Variants in CEMIP observed in about 807,000 individuals in gnomAD.
The protein encoded by CEMIP is cell migration inducing hyaluronidase 1.
CEMIP carries 105 observed loss-of-function variants against 156.9 expected under a neutral mutation model. The ratio of observed to expected loss-of-function variants is 0.67; its 90% CI spans 0.57 to 0.79. The LOEUF (loss-of-function observed/expected upper bound fraction) is 0.79. Ranked by LOEUF, CEMIP falls within the 30% of genes least tolerant of loss-of-function variation. The pLI, the probability that CEMIP is intolerant of heterozygous loss-of-function variation, is 0.00. For missense variants in CEMIP, 1,457 were observed against 1,769.4 expected, an observed-to-expected ratio of 0.82 and a Z score of 3.17; for synonymous variants, 676 against 668.4, an observed-to-expected ratio of 1.01 and a Z score of -0.17.
intron 25 of CEMIP, among the ~76,000 whole-genome samples, chr15:80,938,913 T>C (rs990550849): frequency 3.9e-5 from 6 of 152,246 alleles, no homozygotes; most frequent in African/African-American, 1.4e-4. Flanking sequence ...TCTATTCTTA[T>C]ATGGAAGTCA....
intron 1 of CEMIP, among the ~76,000 whole-genome samples, chr15:80,836,332 G>A (rs1371091501): frequency 1.3e-5 from 2 of 152,088 alleles, no homozygotes; most frequent in Non-Finnish European, 2.9e-5. Context: ...TGTTCCGAAG[G>A]GCAGAAAAAT....
rs1900425530 is a variant in CEMIP at position 80,920,317 on chromosome 15, T to C, written c.2003+18T>C. 3.1e-6 allele frequency: 5 copies of C among 1,607,214 alleles called. No individual in the cohort carries two copies. The East Asian group carries it at 1.1e-4, about 36-fold the overall frequency. ...GACTGCAAGTAAGTGCCTGGACCCC[T>C]CTCTGTGTGCTGGGGGGAAGGGGTG... On this transcript the variant is annotated intron_variant, in intron 15 of 29. Transcript: ENST00000394685.
At chr15:80,926,552 A>G (rs1194120024) in intron 19 of CEMIP, among the ~76,000 whole-genome samples, 2 of 152,028 alleles carry the variant, frequency 1.3e-5, no homozygotes, top group East Asian at 3.8e-4. Context: ...GAGACACAGC[A>G]TTGACAGAGA....
chr15:80,935,910 G>A (rs570551661), intron 23 of CEMIP, among the ~76,000 whole-genome samples: 37 of 152,262 alleles, frequency 2.4e-4, no homozygotes, highest in Non-Finnish European at 3.5e-4. Flanking sequence ...AGCTAATTTT[G>A]TATTTTTAGT....
intron 14 of CEMIP, among the ~76,000 whole-genome samples, chr15:80,911,646 T>C (rs1379769068): frequency 6.6e-6 from 1 of 152,236 alleles, no homozygotes; most frequent in Non-Finnish European, 1.5e-5. Context: ...TTCAGTTTCC[T>C]CACACGTGCT....
chr15:80,910,269 G>A (rs1899997353), intron 14 of CEMIP, among the ~76,000 whole-genome samples: 1 of 152,218 alleles, frequency 6.6e-6, no homozygotes, highest in Non-Finnish European at 1.5e-5. Flanking sequence ...GGCAACAATG[G>A]CTTAGAGCAG....
At chr15:80,792,795 A>T (rs949379864) in intron 1 of CEMIP, among the ~76,000 whole-genome samples, 1 of 152,088 alleles carries the variant, frequency 6.6e-6, no homozygotes, top group South Asian at 2.1e-4. Context: ...AGAGATAGAG[A>T]TTGTGTCTCC....
chr15:80,923,256 C>G (rs1317307432), intron 17 of CEMIP, among the ~76,000 whole-genome samples: 1 of 152,130 alleles, frequency 6.6e-6, no homozygotes, highest in Non-Finnish European at 1.5e-5. Flanking sequence ...ACAGTCTCAT[C>G]TTGACAGAGG....
chr15:80,791,128 T>C (rs904818308), intron 1 of CEMIP, among the ~76,000 whole-genome samples: 4 of 152,042 alleles, frequency 2.6e-5, no homozygotes, highest in Non-Finnish European at 5.9e-5. Context: ...AAAAAGATAT[T>C]TAGAGAAGAA....
At chr15:80,794,871 A>G (rs1896176900) in intron 1 of CEMIP, among the ~76,000 whole-genome samples, 1 of 152,198 alleles carries the variant, frequency 6.6e-6, no homozygotes, top group Non-Finnish European at 1.5e-5. Context: ...AGGAGAAAAA[A>G]TAGGGGATCT....
At chr15:80,788,471 CA>C (rs11320710) in intron 1 of CEMIP, among the ~76,000 whole-genome samples, 16,791 of 79,168 alleles carry the variant, frequency 0.21, 3,262 homozygotes, top group African/African-American at 0.54. Context: ...AACTCCATCT[CA>C]AAAAAAAAAA....
rs1438434389 is a variant in CEMIP at position 80,873,954 on chromosome 15, C to A, written c.75C>A (p.Phe25Leu). ...TCAGCTGGCTCACTCTGACCTGCTT[C>A]CCTGGGGCCACATCCACAGGTGAGC... ...LTISWLTLTC[F>L]PGATSTVAAG... is the part of the protein sequence containing the mutation. Residue 25 changes from phenylalanine (F) to leucine (L), a missense_variant, in exon 3 of 30, where the codon TTC becomes TTA. Phe to Leu is a conservative substitution (Grantham distance 22, BLOSUM62 0). Coordinates refer to ENST00000394685, the MANE Select transcript of CEMIP (RefSeq NM_001293298.2). The A allele has an allele frequency of 5.1e-6, 8 of 1,572,088 alleles. No homozygotes were observed. The Admixed American group carries it at 7.4e-5, about 15-fold the overall frequency.
chr15:80,782,737 C>T (rs141521226), intron 1 of CEMIP, among the ~76,000 whole-genome samples: 7 of 152,304 alleles, frequency 4.6e-5, no homozygotes, highest in Non-Finnish European at 7.4e-5. Context: ...CTTCTTCCGT[C>T]TAAAAGGATT....
chr15:80,895,139 C>T lies in CEMIP; in HGVS notation c.1219+17C>T, dbSNP rs527367728. The T allele has an allele frequency of 5.0e-5, 80 of 1,614,004 alleles. No individual in the cohort carries two copies. The South Asian group carries it at 5.7e-4, about 12-fold the overall frequency. ...GGAAGCCTGGTAAGCAGCCCCTTGT[C>T]GGGGACACAGATGCAACTATGGCTC... On this transcript the variant is annotated intron_variant, in intron 11 of 29. Coordinates refer to ENST00000394685, the MANE Select transcript of CEMIP (RefSeq NM_001293298.2).
At chr15:80,936,553 A>G in intron 23 of CEMIP, 121 bp from the exon 24 acceptor site, 1 of 874,694 alleles carries the variant, frequency 1.1e-6, no homozygotes, top group Non-Finnish European at 1.9e-6. Flanking sequence ...CCTTCTAAAA[A>G]GGGTTCTGTA....
At chr15:80,930,468 C>T (rs1317619868) in intron 21 of CEMIP, among the ~76,000 whole-genome samples, 1 of 152,200 alleles carries the variant, frequency 6.6e-6, no homozygotes, top group Non-Finnish European at 1.5e-5. Flanking sequence ...TAAGAGCCTG[C>T]AGTCCTAATC....
At position 80,943,029 on chromosome 15, in the gene CEMIP, A is replaced by G; in HGVS notation, c.3784A>G (p.Thr1262Ala). The change falls in exon 28 of 30, where the codon ACG (threonine) becomes GCG (alanine). Residue 1262 changes from threonine to alanine, a missense_variant. Physicochemically the swap from Thr to Ala is moderately conservative, Grantham distance 58 (BLOSUM62 0). This residue lies in a region of CEMIP where 798 missense variants were observed against 980.1 expected (regional missense o/e 0.81). Transcript: ENST00000394685. Reference protein sequence around the residue: ...DGNQGRVVSHTSFRNSILQGI... With the variant: ...DGNQGRVVSHASFRNSILQGI... ...GAACCAAGGGCGCGTGGTGAGCCAC[A>G]CGAGCTTCAGGAACTCCATTCTGCA... is the stretch of plus-strand genomic sequence containing the variant. 6.2e-7 allele frequency: 1 copy of G among 1,614,222 alleles called. No homozygotes were observed. Among genetic ancestry groups the G allele is most frequent in the Non-Finnish European group, 8.5e-7 (1 of 1,180,036 alleles).
At position 80,931,947 on chromosome 15, in the gene CEMIP, C is replaced by G; in HGVS notation, c.2701C>G (p.Arg901Gly). ...TFRKFVALEG[R>G]HTSALAFRLN... ...CCGAAAGTTTGTGGCCCTGGAGGGC[C>G]GGCACACCAGCGCCCTGGCCTTCCG... Residue 901 changes from arginine (R) to glycine (G), a missense_variant, in exon 22 of 30, where the codon CGG becomes GGG. Transcript: ENST00000394685. 1.2e-6 allele frequency: 2 copies of G among 1,614,210 alleles called. No individual in the cohort carries two copies. Among genetic ancestry groups the G allele is most frequent in the Non-Finnish European group, 1.7e-6 (2 of 1,180,036 alleles).
chr15:80,874,027 C>G, intron 3 of CEMIP, 54 bp downstream of exon 3: 1 of 1,485,504 alleles, frequency 6.7e-7, no homozygotes, highest in Non-Finnish European at 9.2e-7. Context: ...GGCACGGCCC[C>G]TCACTGGAGC....
Sources: allele counts gnomAD v4.1 joint callset (sites outside exome capture counted in the v4.1 genomes callset), GRCh38; gene constraint gnomAD v4.1.1; regional missense constraint gnomAD v4.1.1; transcripts MANE v1.5; gene names NCBI Gene and HGNC (gene_info 2026-07-23, HGNC 2026-07-21).